TRERF1: variants seen among roughly 807,000 people sequenced by gnomAD.
The protein encoded by TRERF1 is transcriptional-regulating factor 1.
Under a neutral mutation model 122.9 loss-of-function variants are expected in TRERF1, and 27 were observed. The ratio of observed to expected loss-of-function variants is 0.22; its 90% CI spans 0.16 to 0.30. The LOEUF is 0.30. Ranked by LOEUF, TRERF1 falls within the 10% of genes least tolerant of loss-of-function variation. The pLI is 1.00. For synonymous variants in TRERF1, 636 were observed against 641.7 expected, an observed-to-expected ratio of 0.99 and a Z score of 0.13; for missense variants, 1,248 against 1,560.3, an observed-to-expected ratio of 0.80 and a Z score of 3.37.
chr6:42,368,792 G>A (rs918783866), intron 2 of TRERF1, among the ~76,000 whole-genome samples: 1 of 152,134 alleles, frequency 6.6e-6, no homozygotes, highest in Admixed American at 6.5e-5. Flanking sequence ...GCAGGACATA[G>A]GCATTATATC....
chr6:42,281,604 A>T (rs1782313111), intron 4 of TRERF1, among the ~76,000 whole-genome samples: 1 of 152,198 alleles, frequency 6.6e-6, no homozygotes, highest in South Asian at 2.1e-4. Flanking sequence ...GAAGGAGCCA[A>T]TCCCCTTCTC....
intron 4 of TRERF1, among the ~76,000 whole-genome samples, chr6:42,297,975 A>C (rs905683698): frequency 5.3e-5 from 8 of 152,200 alleles, no homozygotes; most frequent in Admixed American, 4.6e-4. Context: ...ATTTTAAAGA[A>C]ATAAACATCT....
chr6:42,341,463 G>A (rs1484849120), intron 3 of TRERF1, among the ~76,000 whole-genome samples: 3 of 152,214 alleles, frequency 2.0e-5, no homozygotes, highest in Admixed American at 6.5e-5. Flanking sequence ...TCATTCTGCC[G>A]AGGATCTGTT....
chr6:42,265,794 G>T, exon 6 of TRERF1: 1 of 1,613,052 alleles, frequency 6.2e-7, no homozygotes, highest in South Asian at 1.1e-5. Context: ...TCAGGTAGGT[G>T]CATCTAATTT....
At chr6:42,399,248 C>T (rs931349629) in intron 2 of TRERF1, among the ~76,000 whole-genome samples, 1 of 152,206 alleles carries the variant, frequency 6.6e-6, no homozygotes, top group Non-Finnish European at 1.5e-5. Flanking sequence ...AGGTCCCTCT[C>T]ATAGGTTTCT....
At chr6:42,396,012 G>A (rs1057503553) in intron 2 of TRERF1, among the ~76,000 whole-genome samples, 17 of 152,066 alleles carry the variant, frequency 1.1e-4, no homozygotes, top group African/African-American at 3.6e-4. Context: ...TCATGCACAC[G>A]TGTATGTGTG....
chr6:42,348,999 T>A (rs1768868331), intron 3 of TRERF1, among the ~76,000 whole-genome samples: 1 of 152,186 alleles, frequency 6.6e-6, no homozygotes, highest in Admixed American at 6.5e-5. Context: ...GTCCTATCTA[T>A]CTCTCAGGGT....
chr6:42,262,950 T>C (rs1282607477), intron 8 of TRERF1, among the ~76,000 whole-genome samples: 1 of 152,212 alleles, frequency 6.6e-6, no homozygotes, highest in African/African-American at 2.4e-5. Context: ...GCTTACTTTC[T>C]GGGATACAGG....
chr6:42,295,747 A>T (rs190130043), intron 4 of TRERF1, among the ~76,000 whole-genome samples: 5 of 152,292 alleles, frequency 3.3e-5, no homozygotes, highest in Admixed American at 1.3e-4. Flanking sequence ...TGTGATGAAT[A>T]GACTTTAATT....
At chr6:42,418,553 G>GAGCCACCGTGCCTGGC (rs1250668394) in intron 2 of TRERF1, among the ~76,000 whole-genome samples, 1 of 152,060 alleles carries the variant, frequency 6.6e-6, no homozygotes, top group Non-Finnish European at 1.5e-5. Flanking sequence ...TTACAGGCGT[G>GAGCCACCGTGCCTGGC]AGCCACCGTG....
chr6:42,231,678 A>T (rs1480420597), intron 17 of TRERF1, among the ~76,000 whole-genome samples: 3 of 152,216 alleles, frequency 2.0e-5, no homozygotes, highest in Non-Finnish European at 2.9e-5. Context: ...AGTCAGGTGG[A>T]CTCATTGAGA....
intron 12 of TRERF1, 70 bp from the exon 13 acceptor site, chr6:42,254,996 C>G: frequency 6.6e-7 from 1 of 1,522,922 alleles, no homozygotes; most frequent in Non-Finnish European, 9.1e-7. Flanking sequence ...GATCATCTAC[C>G]CAAAGGGGAA....
At chr6:42,348,787 TTGAC>T (rs1397275215) in intron 3 of TRERF1, among the ~76,000 whole-genome samples, 35 of 152,060 alleles carry the variant, frequency 2.3e-4, no homozygotes, top group African/African-American at 8.0e-4. Context: ...TTAACAACCA[TTGAC>T]TGACTATTTA....
chr6:42,260,060 C>G (rs893604910), intron 8 of TRERF1, among the ~76,000 whole-genome samples: 1 of 152,054 alleles, frequency 6.6e-6, no homozygotes, highest in Admixed American at 6.5e-5. Context: ...GCTGAGTGGG[C>G]TCTTTAATTC....
intron 2 of TRERF1, among the ~76,000 whole-genome samples, chr6:42,420,049 C>T (rs566321743): frequency 3.1e-4 from 47 of 152,290 alleles, no homozygotes; most frequent in Middle Eastern, 3.4e-3. Context: ...CTCCCCACAA[C>T]CTCAACCAAC....
chr6:42,298,697 TG>T (rs1785516662), intron 4 of TRERF1, among the ~76,000 whole-genome samples: 1 of 151,428 alleles, frequency 6.6e-6, no homozygotes, highest in South Asian at 2.1e-4. Context: ...CCCAGCACTT[TG>T]GGAGGCCGAG....
chr6:42,241,068 T>G (rs933416484), intron 15 of TRERF1, among the ~76,000 whole-genome samples: 1 of 152,094 alleles, frequency 6.6e-6, no homozygotes, highest in Admixed American at 6.6e-5. Context: ...AATTTTTTAG[T>G]AGAGATGGGG....
chr6:42,289,750 T>C (rs1582843173), intron 4 of TRERF1, among the ~76,000 whole-genome samples: 1 of 152,148 alleles, frequency 6.6e-6, no homozygotes, highest in Non-Finnish European at 1.5e-5. Flanking sequence ...ATTTGGCCCC[T>C]GGACTGTAGT....
At chr6:42,398,507 C>T (rs1778944068) in intron 2 of TRERF1, among the ~76,000 whole-genome samples, 1 of 152,170 alleles carries the variant, frequency 6.6e-6, no homozygotes. Flanking sequence ...AATTAACCCC[C>T]CGCTTCCACT....
Sources: gnomAD v4.1 joint callset for allele counts (sites outside exome capture counted in the v4.1 genomes callset) on GRCh38, gnomAD v4.1.1 for gene constraint, MANE v1.5 for transcripts, NCBI Gene and HGNC (gene_info 2026-07-23, HGNC 2026-07-21) for gene names.